ACOT11: variants seen among roughly 807,000 people sequenced by gnomAD.
ACOT11 encodes acyl-coenzyme A thioesterase 11.
ACOT11 carries 69 observed loss-of-function variants against 77.5 expected under a neutral mutation model. That is an observed-to-expected ratio of 0.89 (90% confidence interval 0.73 to 1.09). The LOEUF is 1.09. ACOT11 is among the 50% of genes least tolerant of loss of function. The pLI is 0.00. For missense variants in ACOT11, 766 were observed against 813.7 expected, an observed-to-expected ratio of 0.94 and a Z score of 0.71; for synonymous variants, 279 against 313.0, an observed-to-expected ratio of 0.89 and a Z score of 1.15.
chr1:54,586,762 C>CTG (rs1389843159), intron 3 of ACOT11, among the ~76,000 whole-genome samples: 1 of 151,998 alleles, frequency 6.6e-6, no homozygotes, highest in Non-Finnish European at 1.5e-5. Flanking sequence ...CTTTTAATGG[C>CTG]TGTACAGAAT....
At chr1:54,582,449 G>C (rs1654344410) in intron 1 of ACOT11, 1 of 985,296 alleles carries the variant, frequency 1.0e-6, no homozygotes, top group Non-Finnish European at 1.2e-6. Context: ...CCGTACAGAG[G>C]AAGTGTTTGG....
chr1:54,600,854 T>C (rs1290342960), intron 8 of ACOT11, among the ~76,000 whole-genome samples: 1 of 152,164 alleles, frequency 6.6e-6, no homozygotes, highest in African/African-American at 2.4e-5. Context: ...CCTTTGCAGT[T>C]TTTGATGGCA....
chr1:54,605,597 G>C lies in ACOT11; in HGVS notation c.1370+388G>C, dbSNP rs1644015484. On this transcript the variant is annotated intron_variant, in intron 13 of 15. Transcript: ENST00000343744. ...TGTGGAGTTCTGTGTTCCCAAAGGG[G>C]CTTCCGGAACTGCTGGGGGTGGAGT... Among the ~76,000 whole-genome samples, 3 of 151,956 alleles carry C rather than the reference G, an allele frequency of 2.0e-5. No individual in the cohort carries two copies. In the South Asian group the frequency reaches 6.2e-4, roughly 32 times the overall value.
At chr1:54,585,455 G>A (rs942856194) in intron 2 of ACOT11, among the ~76,000 whole-genome samples, 4 of 152,174 alleles carry the variant, frequency 2.6e-5, no homozygotes, top group Admixed American at 6.5e-5. Flanking sequence ...TTGAAGGGAC[G>A]GGGGCTCCAG....
At position 54,584,896 on chromosome 1, in the gene ACOT11, C is replaced by A. The variant is rs760818604; in HGVS notation, c.241+34C>A. 6.3e-7 allele frequency: 1 copy of A among 1,583,700 alleles called. No homozygotes were observed. Among genetic ancestry groups the A allele is most frequent in the South Asian group, 1.1e-5 (1 of 88,146 alleles). On this transcript the variant is annotated intron_variant, in intron 2 of 15. Transcript: ENST00000343744. The surrounding 1 kb of genome is among the most constrained non-coding windows in gnomAD (Gnocchi z 6.3). ...GCGCTCCCCATGGTTCCCTACCTGC[C>A]CCACAGGCCCAGAGCAGGGGCCGTG...
intron 9 of ACOT11, 22 bp downstream of exon 9, chr1:54,601,435 C>T: frequency 1.9e-6 from 3 of 1,605,110 alleles, no homozygotes; most frequent in Non-Finnish European, 1.7e-6. Flanking sequence ...CAGCGCCCTG[C>T]CCCACCAGCA....
downstream of ACOT11, among the ~76,000 whole-genome samples, chr1:54,614,014 C>A (rs74071868): frequency 1.3e-5 from 2 of 152,192 alleles, no homozygotes; most frequent in African/African-American, 4.8e-5. Flanking sequence ...AAGAGTTAAA[C>A]GGTGTTCTGC....
At chr1:54,553,123 G>C (rs1308174403) in intron 1 of ACOT11, among the ~76,000 whole-genome samples, 1 of 151,556 alleles carries the variant, frequency 6.6e-6, no homozygotes, top group African/African-American at 2.4e-5. Flanking sequence ...CACCATGCCC[G>C]GCCAGTGTTC....
At chr1:54,548,554 C>T in intron 1 of ACOT11, 4 of 642,692 alleles carry the variant, frequency 6.2e-6, no homozygotes, top group Non-Finnish European at 5.4e-6. Context: ...CTGTCAGATC[C>T]CCCACGGGCT....
intron 15 of ACOT11, among the ~76,000 whole-genome samples, chr1:54,618,616 G>A (rs1244219162): frequency 1.3e-5 from 2 of 152,188 alleles, no homozygotes; most frequent in Non-Finnish European, 2.9e-5. Context: ...GGAGGAGAAA[G>A]AGATGAGAGG....
intron 1 of ACOT11, among the ~76,000 whole-genome samples, chr1:54,582,085 T>C (rs1654331246): frequency 6.6e-6 from 1 of 152,214 alleles, no homozygotes; most frequent in African/African-American, 2.4e-5. Context: ...CTCAGTGTGC[T>C]TCAGGGGCCC....
At chr1:54,589,558 A>G (rs1654631919) in intron 3 of ACOT11, among the ~76,000 whole-genome samples, 1 of 152,056 alleles carries the variant, frequency 6.6e-6, no homozygotes, top group Non-Finnish European at 1.5e-5. Context: ...GCAGCCCTGA[A>G]CTTATGGGCT....
chr1:54,604,313 T>TCC lies in ACOT11; in HGVS notation c.1153-33_1153-32insCC, dbSNP rs1557664748. On this transcript the variant is annotated intron_variant, in intron 11 of 15. Coordinates refer to ENST00000343744, the MANE Select transcript of ACOT11 (RefSeq NM_147161.4). ...GCTCAGGGGCCCTGAAGGAAGGGGGTGGGGTAGTGGTAGCACCTGTGTACT... is the reference window on the plus strand; with the variant it reads ...GCTCAGGGGCCCTGAAGGAAGGGGGTCCGGGGTAGTGGTAGCACCTGTGTACT... 6 of 1,596,010 alleles carry TCC rather than the reference T, an allele frequency of 3.8e-6. No individual in the cohort carries two copies. The African/African-American group carries it at 8.1e-5, about 21-fold the overall frequency.
At chr1:54,632,459 A>G (rs1212454456) in intron 16 of ACOT11, among the ~76,000 whole-genome samples, 1 of 152,264 alleles carries the variant, frequency 6.6e-6, no homozygotes, top group Non-Finnish European at 1.5e-5. Flanking sequence ...TAAAAGGTAT[A>G]CAAATACATA....
rs1644036132 is a variant in ACOT11, at chr1:54,607,182, C to CGTCA, written c.1420_1423dup (p.Thr475SerfsTer26). The stretch of plus-strand genomic sequence containing the variant: ...TAGACGAGGACGACGCCATCTACCA[C>CGTCA]GTCACCAGCCCTGCCCTCGGAGGTC... On this transcript the variant is annotated frameshift_variant, in exon 14 of 16. Transcript: ENST00000343744. LOFTEE classifies it high-confidence loss of function. The surrounding 1 kb of genome is among the most constrained non-coding windows in gnomAD (Gnocchi z 4.5). The CGTCA allele has an allele frequency of 6.2e-7, 1 of 1,614,196 alleles. No individual in the cohort carries two copies. Among genetic ancestry groups the CGTCA allele is most frequent in the South Asian group, 1.1e-5 (1 of 91,088 alleles).
exon 17 of ACOT11, chr1:54,635,846 C>A (rs1644327726): frequency 6.5e-6 from 1 of 153,118 alleles, no homozygotes; most frequent in Non-Finnish European, 1.5e-5. Flanking sequence ...ATAAGCAAAA[C>A]CTCTGCAGCA....
Position 54,609,862 on chromosome 1 carries a change from TG to T in ACOT11, c.*752del. 1 of 1,613,986 alleles carries T rather than the reference TG, an allele frequency of 6.2e-7. No homozygotes were observed. The highest frequency in any genetic ancestry group is 8.5e-7 in the Non-Finnish European group (1 of 1,180,020). ...ACTCCAGCGTCAGGATGTTGCCACT[TG>T]GAGTATGAACAATGGGCACGGGGTT... On this transcript the variant is annotated 3_prime_UTR_variant, in exon 16 of 16. Transcript: ENST00000343744.
intron 1 of ACOT11, among the ~76,000 whole-genome samples, chr1:54,573,858 C>T (rs917268772): frequency 2.0e-5 from 3 of 151,792 alleles, no homozygotes; most frequent in African/African-American, 7.3e-5. Flanking sequence ...GGTGAAAACC[C>T]GTCTCTACTA....
At chr1:54,615,265 A>T (rs1644160765), downstream of ACOT11, among the ~76,000 whole-genome samples, 1 of 151,722 alleles carries the variant, frequency 6.6e-6, no homozygotes, top group Non-Finnish European at 1.5e-5. Flanking sequence ...ATTTGAGTAG[A>T]GGAGGAGATC....
Sources: allele counts gnomAD v4.1 joint callset (sites outside exome capture counted in the v4.1 genomes callset), GRCh38; gene constraint gnomAD v4.1.1; non-coding constraint Gnocchi (gnomAD v3.1); transcripts MANE v1.5; gene names NCBI Gene and HGNC (gene_info 2026-07-23, HGNC 2026-07-21).